VASN: variants seen among roughly 807,000 people sequenced by gnomAD.
VASN encodes protein slit-like 2.
In VASN, 5 loss-of-function variants were observed where a neutral mutation model predicts 4.8. The ratio of observed to expected loss-of-function variants is 1.03; its 90% CI spans 0.54 to 2.17. VASN has a LOEUF of 2.17. VASN is among the 30% of genes most tolerant of loss of function. The pLI is 0.01. For synonymous variants in VASN, 499 were observed against 460.8 expected, an observed-to-expected ratio of 1.08 and a Z score of -1.06; for missense variants, 927 against 948.8, an observed-to-expected ratio of 0.98 and a Z score of 0.30.
chr16:4,382,043 C>A lies in VASN; in HGVS notation c.1166C>A (p.Ala389Asp). 1.3e-6 allele frequency: 2 copies of A among 1,592,936 alleles called. No individual in the cohort carries two copies. The highest frequency in any genetic ancestry group is 8.5e-7 in the Non-Finnish European group (1 of 1,171,318). Residue 389 changes from alanine to aspartate, a missense_variant, in exon 2 of 2, where the codon GCC becomes GAC. Coordinates refer to ENST00000304735, the MANE Select transcript of VASN (RefSeq NM_138440.3). ...AGCCCCACAGAGCCGGCCACTGAGG[C>A]CCCCAGCCCGCCCTCCACTGCCCCA... ...WLSPTEPATE[A>D]PSPPSTAPPT...
At position 4,378,095 on chromosome 16, in the gene VASN, C is replaced by A. The variant is rs118148996; in HGVS notation, c.-9-2774C>A. Among the ~76,000 whole-genome samples, 435 of 152,306 alleles carry A rather than the reference C, an allele frequency of 2.9e-3. 1 individual carries two copies. Among genetic ancestry groups the A allele is most frequent in the Non-Finnish European group, 4.0e-3 (275 of 68,022 alleles). On this transcript the variant is annotated intron_variant, in intron 1 of 1. Coordinates refer to ENST00000304735, the MANE Select transcript of VASN (RefSeq NM_138440.3). The stretch of plus-strand genomic sequence containing the variant: ...CCCAGTGCAGGGTGAAGAGCACCCC[C>A]CAGCACGTGCCCCTAAGAGCTGGCC...
At chr16:4,375,313 C>G (rs1232165633) in intron 1 of VASN, among the ~76,000 whole-genome samples, 2 of 152,202 alleles carry the variant, frequency 1.3e-5, no homozygotes, top group African/African-American at 4.8e-5. Context: ...CCAGCCCTGC[C>G]AGCTGGTCCA....
chr16:4,378,395 G>T (rs2054827320), intron 1 of VASN, among the ~76,000 whole-genome samples: 2 of 152,134 alleles, frequency 1.3e-5, no homozygotes, highest in Non-Finnish European at 1.5e-5. Context: ...CTGGAACCTG[G>T]CTGCATCCTT....
rs546080230 is a variant in VASN, at chr16:4,382,601, C to T, written c.1724C>T (p.Pro575Leu). The change falls in exon 2 of 2, where the codon CCG becomes CTG. Residue 575 changes from proline (P) to leucine (L), a missense_variant. By Grantham distance (98) the Pro-to-Leu change is moderately conservative. Coordinates refer to ENST00000304735, the MANE Select transcript of VASN (RefSeq NM_138440.3). ...ACCCAGGCCCGCGAGGGCAACCTGC[C>T]GCTCCTCATTGCGCCCGCCCTGGCC... is the stretch of plus-strand genomic sequence containing the variant. Reference protein sequence around the residue: ...PVTQAREGNLPLLIAPALAAV... With the variant: ...PVTQAREGNLLLLIAPALAAV... 14 of 1,590,374 alleles carry T rather than the reference C, an allele frequency of 8.8e-6. No individual in the cohort carries two copies. The highest frequency in any genetic ancestry group is 1.7e-5 in the Admixed American group (1 of 58,378).
intron 1 of VASN, among the ~76,000 whole-genome samples, chr16:4,380,346 T>C (rs978519163): frequency 2.6e-5 from 4 of 152,172 alleles, no homozygotes; most frequent in Non-Finnish European, 4.4e-5. Flanking sequence ...ATGGATCCCA[T>C]AGTTTCCATG....
In VASN at chr16:4,382,470, C is replaced by A; in HGVS notation, c.1593C>A (p.Tyr531Ter). The change falls in exon 2 of 2, where the codon TAC (tyrosine) becomes TAA (stop). Residue 531 changes from tyrosine (Y) to a stop codon, truncating the protein, a stop_gained. Coordinates refer to ENST00000304735, the MANE Select transcript of VASN (RefSeq NM_138440.3). LOFTEE classifies it high-confidence loss of function. ...TVTQLRPNAT[Y>*]SVCVMPLGPG... ...CCCAGCTGCGGCCCAACGCCACTTA[C>A]TCCGTCTGTGTCATGCCTTTGGGGC... is the stretch of plus-strand genomic sequence containing the variant. 1 of 1,607,004 alleles carries A rather than the reference C, an allele frequency of 6.2e-7. No homozygotes were observed. The highest frequency in any genetic ancestry group is 8.5e-7 in the Non-Finnish European group (1 of 1,177,008).
chr16:4,377,446 C>A (rs139029570), intron 1 of VASN, among the ~76,000 whole-genome samples: 1 of 152,066 alleles, frequency 6.6e-6, no homozygotes, highest in East Asian at 1.9e-4. Context: ...CCCAGGCGGG[C>A]GGGACAGCTC....
chr16:4,376,490 ACTGT>A (rs2054736231), intron 1 of VASN, among the ~76,000 whole-genome samples: 1 of 152,124 alleles, frequency 6.6e-6, no homozygotes. Flanking sequence ...CTGGCCTCAG[ACTGT>A]CTATCTGTCT....
rs749898341 is a variant in VASN at position 4,381,635 on chromosome 16, C to T, written c.758C>T (p.Ala253Val). 3 of 1,599,484 alleles carry T rather than the reference C, an allele frequency of 1.9e-6. No individual in the cohort carries two copies. The highest frequency in any genetic ancestry group is 2.7e-5 in the African/African-American group (2 of 74,676). The change falls in exon 2 of 2, where the codon GCC becomes GTC. Residue 253 changes from alanine (A) to valine (V), a missense_variant. Ala to Val is a moderately conservative substitution (Grantham distance 64). Transcript: ENST00000304735. ...CGGCTGGCCGGCAACACCCGCATTGCCCAGCTGCGGCCCGAGGACCTGGCC... is the reference window on the plus strand; with the variant it reads ...CGGCTGGCCGGCAACACCCGCATTGTCCAGCTGCGGCCCGAGGACCTGGCC... ...RLRLAGNTRI[A>V]QLRPEDLAGL... is the part of the protein sequence containing the mutation.
intron 1 of VASN, among the ~76,000 whole-genome samples, chr16:4,373,744 A>T (rs2054616239): frequency 6.6e-6 from 1 of 152,132 alleles, no homozygotes. Flanking sequence ...GTCCCAACAC[A>T]ACACTGGGCA....
At chr16:4,377,927 A>ACGC (rs1567268559) in intron 1 of VASN, among the ~76,000 whole-genome samples, 1 of 152,196 alleles carries the variant, frequency 6.6e-6, no homozygotes, top group Non-Finnish European at 1.5e-5. Context: ...GCTAACAGGA[A>ACGC]CGCACATTCC....
In VASN at chr16:4,382,606, C is replaced by G; in HGVS notation, c.1729C>G (p.Leu577Val). ...TQAREGNLPL[L>V]IAPALAAVLL... ...GGCCCGCGAGGGCAACCTGCCGCTC[C>G]TCATTGCGCCCGCCCTGGCCGCGGT... The change falls in exon 2 of 2, where the codon CTC (leucine) becomes GTC (valine). Residue 577 changes from leucine to valine, a missense_variant. By Grantham distance (32) the Leu-to-Val change is conservative (BLOSUM62 1). Coordinates refer to ENST00000304735, the MANE Select transcript of VASN (RefSeq NM_138440.3). 1 of 1,588,650 alleles carries G rather than the reference C, an allele frequency of 6.3e-7. No homozygotes were observed. Among genetic ancestry groups the G allele is most frequent in the Non-Finnish European group, 8.6e-7 (1 of 1,169,166 alleles).
chr16:4,377,222 G>A (rs2054766660), intron 1 of VASN, among the ~76,000 whole-genome samples: 1 of 152,030 alleles, frequency 6.6e-6, no homozygotes, highest in Non-Finnish European at 1.5e-5. Flanking sequence ...CCCACCCCCC[G>A]ACGTCCCCGA....
chr16:4,375,770 G>A (rs931642151), intron 1 of VASN, among the ~76,000 whole-genome samples: 2 of 152,216 alleles, frequency 1.3e-5, no homozygotes, highest in Non-Finnish European at 2.9e-5. Flanking sequence ...TTACAGGCGT[G>A]AGCCACCATG....
In VASN at chr16:4,381,297, G is replaced by A; in HGVS notation, c.420G>A (p.Gln140=). ...GCAAGAACCGCATCCGCCACATCCA[G>A]CCTGGTGCCTTCGACACGCTCGACC... ...YLGKNRIRHI[Q]PGAFDTLDRL... The change falls in exon 2 of 2, where the codon CAG becomes CAA. Residue 140 remains glutamine (Q), a synonymous_variant. Transcript: ENST00000304735. 1.2e-6 allele frequency: 2 copies of A among 1,612,360 alleles called. No individual in the cohort carries two copies. The highest frequency in any genetic ancestry group is 3.3e-4 in the Middle Eastern group (2 of 6,062).
intron 1 of VASN, among the ~76,000 whole-genome samples, chr16:4,376,933 G>A (rs897672880): frequency 2.0e-5 from 3 of 152,192 alleles, no homozygotes; most frequent in African/African-American, 4.8e-5. Context: ...GGCAGGCAGA[G>A]TTCTGCGTTT....
At chr16:4,378,627 G>A (rs1413683807) in intron 1 of VASN, among the ~76,000 whole-genome samples, 1 of 152,120 alleles carries the variant, frequency 6.6e-6, no homozygotes, top group East Asian at 1.9e-4. Context: ...GAGCCCCCCT[G>A]GGGTGGGCTG....
rs756356989 is a variant in VASN at position 4,382,474 on chromosome 16, G to A, written c.1597G>A (p.Val533Ile). 23 of 1,605,648 alleles carry A rather than the reference G, an allele frequency of 1.4e-5. No homozygotes were observed. In the Middle Eastern group the frequency reaches 4.9e-4, roughly 34 times the overall value. The change falls in exon 2 of 2, where the codon GTC (valine) becomes ATC (isoleucine). Residue 533 changes from valine (V) to isoleucine (I), a missense_variant. Val to Ile is a conservative substitution (Grantham distance 29). Coordinates refer to ENST00000304735, the MANE Select transcript of VASN (RefSeq NM_138440.3). ...TQLRPNATYSVCVMPLGPGRV... is the reference protein window; with the variant it reads ...TQLRPNATYSICVMPLGPGRV... ...GCTGCGGCCCAACGCCACTTACTCC[G>A]TCTGTGTCATGCCTTTGGGGCCCGG...
At chr16:4,373,320 C>T (rs895988648) in intron 1 of VASN, among the ~76,000 whole-genome samples, 1 of 152,106 alleles carries the variant, frequency 6.6e-6, no homozygotes. Context: ...GATGCGCACA[C>T]ACATGCCAGC....
Sources: gnomAD v4.1 joint callset for allele counts (sites outside exome capture counted in the v4.1 genomes callset) on GRCh38, gnomAD v4.1.1 for gene constraint, MANE v1.5 for transcripts, NCBI Gene and HGNC (gene_info 2026-07-23, HGNC 2026-07-21) for gene names.